The following ABHD12B variants were observed in gnomAD, a reference collection of about 807,000 sequenced individuals.
ABHD12B encodes protein ABHD12B.
ABHD12B carries 42 observed loss-of-function variants against 50.4 expected under a neutral mutation model. The observed-to-expected ratio is 0.83, with a 90% CI of 0.65 to 1.08. ABHD12B has a LOEUF of 1.08. Among genes scored for constraint, ABHD12B ranks in the 50% least tolerant of loss-of-function variants. The pLI is 0.00. For missense variants in ABHD12B, 479 were observed against 447.7 expected, an observed-to-expected ratio of 1.07 and a Z score of -0.63; for synonymous variants, 167 against 160.3, an observed-to-expected ratio of 1.04 and a Z score of -0.32.
At chr14:50,878,224 G>A in intron 2 of ABHD12B, 145 bp downstream of exon 2, 1 of 751,972 alleles carries the variant, frequency 1.3e-6, no homozygotes, top group South Asian at 2.2e-5. Context: ...ATTTAATATT[G>A]ACTTTGAAGT....
chr14:50,888,974 C>G, intron 9 of ABHD12B, 71 bp downstream of exon 9: 1 of 1,223,162 alleles, frequency 8.2e-7, no homozygotes, highest in South Asian at 1.4e-5. Flanking sequence ...TATTTCTACA[C>G]ATGTATGTTT....
At chr14:50,896,262 C>G (rs1367532628) in intron 9 of ABHD12B, among the ~76,000 whole-genome samples, 1 of 152,152 alleles carries the variant, frequency 6.6e-6, no homozygotes, top group Non-Finnish European at 1.5e-5. Flanking sequence ...TTACAATTCC[C>G]CCGTTTTACC....
chr14:50,878,869 C>G (rs765621241), intron 3 of ABHD12B, 22 bp downstream of exon 3: 3 of 1,599,932 alleles, frequency 1.9e-6, no homozygotes, highest in South Asian at 1.1e-5. Flanking sequence ...GATGGGACAC[C>G]GGGTTGCTTG....
chr14:50,886,024 C>T (rs1390829738), intron 7 of ABHD12B, 129 bp downstream of exon 7: 4 of 1,330,208 alleles, frequency 3.0e-6, no homozygotes, highest in Non-Finnish European at 4.2e-6. Flanking sequence ...CATTTTCACA[C>T]ACTAGAAGTG....
chr14:50,891,062 C>T (rs537272079), intron 9 of ABHD12B: 1 of 152,170 alleles, frequency 6.6e-6, no homozygotes, highest in South Asian at 2.1e-4. Flanking sequence ...TGGATATCAT[C>T]TTTTGTGAGG....
At chr14:50,903,046 G>A (rs1453907721) in intron 10 of ABHD12B, among the ~76,000 whole-genome samples, 1 of 151,818 alleles carries the variant, frequency 6.6e-6, no homozygotes, top group Non-Finnish European at 1.5e-5. Context: ...TACAAAATAG[G>A]TGGAGTAAAG....
chr14:50,877,931 G>A (rs544058528), intron 1 of ABHD12B, 21 bp from the exon 2 acceptor site: 451 of 1,478,392 alleles, frequency 3.1e-4, no homozygotes, highest in Non-Finnish European at 3.9e-4. Flanking sequence ...AAAACCTTGT[G>A]TGTTTCCCAA....
At chr14:50,880,624 C>T (rs924962222) in intron 4 of ABHD12B, 53 bp downstream of exon 4, 2 of 1,477,670 alleles carry the variant, frequency 1.4e-6, no homozygotes, top group South Asian at 1.4e-5. Context: ...AGCATTTCAG[C>T]CCCATGGGGG....
At chr14:50,878,891 G>A (rs571531848) in intron 3 of ABHD12B, 44 bp downstream of exon 3, 4 of 1,517,266 alleles carry the variant, frequency 2.6e-6, no homozygotes, top group East Asian at 4.5e-5. Flanking sequence ...TGGGGCAGGT[G>A]TTCCTGTTAG....
intron 10 of ABHD12B, among the ~76,000 whole-genome samples, chr14:50,902,240 T>G (rs1009861169): frequency 1.3e-5 from 2 of 152,146 alleles, no homozygotes. Context: ...CCTAGCACTT[T>G]GGGAGGCTGA....
At chr14:50,895,988 G>A (rs963375496) in intron 9 of ABHD12B, among the ~76,000 whole-genome samples, 1 of 152,084 alleles carries the variant, frequency 6.6e-6, no homozygotes, top group African/African-American at 2.4e-5. Flanking sequence ...CTGGACTACA[G>A]CTATATCTCA....
At chr14:50,891,588 T>C (rs993708357) in intron 9 of ABHD12B, 1 of 152,194 alleles carries the variant, frequency 6.6e-6, no homozygotes, top group Non-Finnish European at 1.5e-5. Flanking sequence ...TTTACCAATA[T>C]TTTTCTTTAT....
At chr14:50,903,758 G>GTGGAT (rs2050294489) in intron 11 of ABHD12B, among the ~76,000 whole-genome samples, 1 of 152,090 alleles carries the variant, frequency 6.6e-6, no homozygotes. Flanking sequence ...TACTGTAGTG[G>GTGGAT]CTCTAAAATG....
intron 4 of ABHD12B, 57 bp downstream of exon 4, chr14:50,880,628 A>G: frequency 6.8e-7 from 1 of 1,471,610 alleles, no homozygotes; most frequent in Non-Finnish European, 9.1e-7. Flanking sequence ...TTTCAGCCCC[A>G]TGGGGGAATG....
At chr14:50,872,766 T>C (rs1246717238) in intron 1 of ABHD12B, among the ~76,000 whole-genome samples, 1 of 152,210 alleles carries the variant, frequency 6.6e-6, no homozygotes, top group Non-Finnish European at 1.5e-5. Context: ...GTGAACTCCC[T>C]GGCATGTATT....
At chr14:50,884,586 G>T (rs774540246) in intron 5 of ABHD12B, among the ~76,000 whole-genome samples, 13 of 152,118 alleles carry the variant, frequency 8.5e-5, no homozygotes, top group African/African-American at 1.2e-4. Context: ...GTAAAATGGG[G>T]ATAATATCTA....
chr14:50,901,947 T>C, intron 10 of ABHD12B, 36 bp downstream of exon 10: 1 of 1,430,182 alleles, frequency 7.0e-7, no homozygotes, highest in Non-Finnish European at 9.5e-7. Flanking sequence ...ATTATTACTG[T>C]ATCTAAAGGA....
intron 10 of ABHD12B, 30 bp downstream of exon 10, chr14:50,901,941 T>C (rs1160215492): frequency 2.7e-6 from 4 of 1,480,716 alleles, no homozygotes; most frequent in Non-Finnish European, 3.7e-6. Context: ...ACATGCATTA[T>C]TACTGTATCT....
At chr14:50,874,798 A>G (rs368938763) in intron 1 of ABHD12B, among the ~76,000 whole-genome samples, 8 of 152,172 alleles carry the variant, frequency 5.3e-5, no homozygotes, top group African/African-American at 1.9e-4. Flanking sequence ...TTTATTATCT[A>G]TTGGATAGTA....
Sources: allele counts gnomAD v4.1 joint callset (sites outside exome capture counted in the v4.1 genomes callset), GRCh38; gene constraint gnomAD v4.1.1; transcripts MANE v1.5; gene names NCBI Gene and HGNC (gene_info 2026-07-23, HGNC 2026-07-21).